The following THSD4 variants were observed in gnomAD, a reference collection of about 807,000 sequenced individuals.
The protein encoded by THSD4 is thrombospondin type-1 domain-containing protein 4.
A neutral mutation model predicts 119.0 loss-of-function variants in THSD4; 69 were observed. That is an observed-to-expected ratio of 0.58 (90% confidence interval 0.48 to 0.71). THSD4 has a LOEUF of 0.71. THSD4 is among the 30% of genes least tolerant of loss of function. The pLI, the probability that THSD4 is intolerant of heterozygous loss-of-function variation, is 0.00. For synonymous variants in THSD4, 524 were observed against 540.4 expected (o/e 0.97, Z 0.42); for missense variants, 1,393 against 1,391.1 (o/e 1.00, Z -0.02).
At chr15:71,202,809 G>C (rs1285775818) in intron 3 of THSD4, among the ~76,000 whole-genome samples, 1 of 152,072 alleles carries the variant, frequency 6.6e-6, no homozygotes, top group Non-Finnish European at 1.5e-5. Flanking sequence ...GGCATCTCTT[G>C]GCTTCTGGAG....
At chr15:71,762,174 CACACAG>C (rs2141203245) in intron 15 of THSD4, among the ~76,000 whole-genome samples, 1 of 134,926 alleles carries the variant, frequency 7.4e-6, no homozygotes, top group African/African-American at 2.7e-5. Context: ...CACACACACA[CACACAG>C]AGATAGAGAT....
At chr15:71,409,929 T>C (rs2046662491) in intron 6 of THSD4, among the ~76,000 whole-genome samples, 1 of 152,096 alleles carries the variant, frequency 6.6e-6, no homozygotes, top group Admixed American at 6.6e-5. Flanking sequence ...TGTACTTATC[T>C]TGTCTGTTTC....
intron 6 of THSD4, among the ~76,000 whole-genome samples, chr15:71,261,800 A>G (rs939782577): frequency 6.6e-6 from 1 of 152,228 alleles, no homozygotes; most frequent in Non-Finnish European, 1.5e-5. Flanking sequence ...ATCCTTTACC[A>G]TGTGTTACTA....
In THSD4 at chr15:71,159,610, A is replaced by G. The variant is rs370328761; in HGVS notation, c.99+4678A>G. ...AGATAGTTTGCAATTAACATATAGA[A>G]ATGCTACTGATTTTTGAATTTTGAT... On this transcript the variant is annotated intron_variant, in intron 3 of 17. Coordinates refer to ENST00000261862, the MANE Select transcript of THSD4 (RefSeq NM_024817.3). Among the ~76,000 whole-genome samples the G allele has an allele frequency of 2.0e-4, 31 of 152,206 alleles. No homozygotes were observed. In the East Asian group the frequency reaches 3.7e-3, roughly 18 times the overall value.
intron 6 of THSD4, among the ~76,000 whole-genome samples, chr15:71,337,589 A>G (rs1288917622): frequency 6.6e-6 from 1 of 152,196 alleles, no homozygotes; most frequent in East Asian, 1.9e-4. Context: ...GGGGTGAGAG[A>G]GGCTTGGACA....
intron 7 of THSD4, among the ~76,000 whole-genome samples, chr15:71,636,280 G>T (rs1041996029): frequency 2.0e-5 from 3 of 152,184 alleles, no homozygotes; most frequent in African/African-American, 7.2e-5. Context: ...AAAATTAGCT[G>T]GGCATGGTGG....
At chr15:71,685,211 A>G (rs563431009) in intron 8 of THSD4, among the ~76,000 whole-genome samples, 4 of 151,834 alleles carry the variant, frequency 2.6e-5, no homozygotes, top group African/African-American at 7.2e-5. Context: ...TTAAAAAAAA[A>G]AGAAATAAGA....
chr15:71,284,414 A>T (rs1000734364), intron 6 of THSD4, among the ~76,000 whole-genome samples: 1 of 152,132 alleles, frequency 6.6e-6, no homozygotes, highest in Non-Finnish European at 1.5e-5. Flanking sequence ...ACACAGGGAG[A>T]TATTCAGCAT....
chr15:71,520,770 C>T (rs143073187), intron 7 of THSD4, among the ~76,000 whole-genome samples: 94 of 152,242 alleles, frequency 6.2e-4, no homozygotes, highest in Non-Finnish European at 8.5e-4. Flanking sequence ...AGACAGGTTA[C>T]GTCATTTGCC....
chr15:71,303,115 C>G (rs1187622427), intron 6 of THSD4, among the ~76,000 whole-genome samples: 1 of 150,350 alleles, frequency 6.7e-6, no homozygotes, highest in Non-Finnish European at 1.5e-5. Context: ...GATAAGCTTT[C>G]CTACCCAGGA....
chr15:71,533,586 T>C (rs1275312494), intron 7 of THSD4, among the ~76,000 whole-genome samples: 1 of 152,246 alleles, frequency 6.6e-6, no homozygotes, highest in Non-Finnish European at 1.5e-5. Flanking sequence ...AACTCTTTTT[T>C]AGACAAATTT....
intron 6 of THSD4, among the ~76,000 whole-genome samples, chr15:71,339,694 TAAC>T (rs2045538438): frequency 6.6e-6 from 1 of 152,086 alleles, no homozygotes; most frequent in Admixed American, 6.6e-5. Context: ...ATAATAAAAG[TAAC>T]TACCTCATAG....
intron 7 of THSD4, among the ~76,000 whole-genome samples, chr15:71,551,178 A>G (rs2140859363): frequency 6.6e-6 from 1 of 152,368 alleles, no homozygotes; most frequent in Admixed American, 6.5e-5. Context: ...TTAGGTAGGA[A>G]AAGCAAATTG....
chr15:71,745,433 T>C (rs747898709), intron 12 of THSD4, among the ~76,000 whole-genome samples, 198 bp downstream of exon 12: 10 of 152,180 alleles, frequency 6.6e-5, no homozygotes, highest in Admixed American at 5.9e-4. Context: ...CTTTAGCAAG[T>C]CAACCCACTT....
At chr15:71,372,604 A>T (rs2046070449) in intron 6 of THSD4, among the ~76,000 whole-genome samples, 2 of 152,220 alleles carry the variant, frequency 1.3e-5, no homozygotes, top group African/African-American at 4.8e-5. Flanking sequence ...AATATTGCTG[A>T]ACAGCAAATG....
intron 7 of THSD4, among the ~76,000 whole-genome samples, chr15:71,576,221 T>C (rs1242617946): frequency 1.3e-5 from 2 of 152,224 alleles, no homozygotes; most frequent in African/African-American, 4.8e-5. Flanking sequence ...AAACCTGTGG[T>C]TGAATAAGAG....
At position 71,777,469 on chromosome 15, in the gene THSD4, G is replaced by C. The variant is rs2053936116; in HGVS notation, c.*95G>C. The C allele has an allele frequency of 6.7e-7, 1 of 1,493,898 alleles. No homozygotes were observed. The highest frequency in any genetic ancestry group is 8.9e-7 in the Non-Finnish European group (1 of 1,121,862). The allele number at this position is 1,493,898 out of a possible 1,614,324, so 92.5% of individuals were successfully genotyped here. A position where few individuals can be genotyped will look rare whatever the true frequency, so the allele number is the denominator to read the frequency against. On this transcript the variant is annotated 3_prime_UTR_variant, in exon 18 of 18. Coordinates refer to ENST00000261862, the MANE Select transcript of THSD4 (RefSeq NM_024817.3). Reference sequence around the variant, plus strand: ...GCTGCTGCTCCACCACGGGCCCCCTGGCCCAGGCGCTGCCAACCAACTTAG... The same window carrying C: ...GCTGCTGCTCCACCACGGGCCCCCTCGCCCAGGCGCTGCCAACCAACTTAG...
intron 4 of THSD4, among the ~76,000 whole-genome samples, chr15:71,219,672 C>T (rs939753559): frequency 6.6e-6 from 1 of 152,184 alleles, no homozygotes; most frequent in Non-Finnish European, 1.5e-5. Context: ...TGTTGAAGCA[C>T]GTCTCCTGTG....
chr15:71,566,980 A>G (rs1193304205), intron 7 of THSD4, among the ~76,000 whole-genome samples: 1 of 152,170 alleles, frequency 6.6e-6, no homozygotes, highest in Non-Finnish European at 1.5e-5. Flanking sequence ...AGAAGGGAGC[A>G]AGGGACCAAC....
Sources: allele counts gnomAD v4.1 joint callset (sites outside exome capture counted in the v4.1 genomes callset), GRCh38; gene constraint gnomAD v4.1.1; transcripts MANE v1.5; gene names NCBI Gene and HGNC (gene_info 2026-07-23, HGNC 2026-07-21).